Variants in CEP192 observed in about 807,000 individuals in gnomAD.
The protein encoded by CEP192 is centrosomal protein of 192 kDa.
Under a neutral mutation model 271.8 loss-of-function variants are expected in CEP192, and 151 were observed. The ratio of observed to expected loss-of-function variants is 0.56; its 90% CI spans 0.49 to 0.64. CEP192 has a LOEUF of 0.64. CEP192 is among the 30% of genes least tolerant of loss of function. The pLI, the probability that CEP192 is intolerant of heterozygous loss-of-function variation, is 0.00. For missense variants in CEP192, 2,910 were observed against 3,020.5 expected (o/e 0.96, Z 0.86); for synonymous variants, 995 against 1,076.5 (o/e 0.92, Z 1.48).
rs1407886831 is a variant in CEP192, at chr18:13,049,113, T to C, written c.2322T>C (p.Asn774=). 1 of 1,614,012 alleles carries C rather than the reference T, an allele frequency of 6.2e-7. No individual in the cohort carries two copies. Among genetic ancestry groups the C allele is most frequent in the South Asian group, 1.1e-5 (1 of 91,068 alleles). ...TACCTAATGATTTAGAAAAAAGTAA[T>C]GGATCCAATGCACTTGATATGGAGA... ...HFLPNDLEKS[N]GSNALDMEKY... Residue 774 remains asparagine (N), a synonymous_variant, in exon 16 of 45, where the codon AAT becomes AAC. Transcript: ENST00000506447.
intron 3 of CEP192, among the ~76,000 whole-genome samples, chr18:13,006,884 C>CA (rs2034013969): frequency 6.6e-6 from 1 of 152,196 alleles, no homozygotes. Context: ...TGATTGCAGG[C>CA]AAGCCCTTCC....
chr18:13,087,441 G>A (rs1598563483), intron 31 of CEP192, 90 bp from the exon 32 acceptor site: 3 of 915,676 alleles, frequency 3.3e-6, no homozygotes, highest in Admixed American at 5.7e-5. Flanking sequence ...TGTCTGTGTC[G>A]AATTTTTAGG....
At chr18:13,003,228 C>T (rs1200956631) in intron 3 of CEP192, among the ~76,000 whole-genome samples, 5 of 152,082 alleles carry the variant, frequency 3.3e-5, no homozygotes, top group Admixed American at 1.3e-4. Flanking sequence ...GCAGGTAGAT[C>T]GCCTGAGGTC....
chr18:13,092,602 T>C, intron 34 of CEP192, 75 bp downstream of exon 34: 1 of 1,014,962 alleles, frequency 9.9e-7, no homozygotes. Context: ...TCTTTTTTCC[T>C]GTACTTCACT....
chr18:13,116,371 A>G lies in CEP192; in HGVS notation c.7290-6A>G. ...TTCTTAACTTTTACACCTATTCCCA[A>G]AGCAGGCAGCTTGATGTGACTGCTC... On this transcript the variant is annotated splice_region_variant and splice_polypyrimidine_tract_variant and intron_variant, in intron 42 of 44. Coordinates refer to ENST00000506447, the MANE Select transcript of CEP192 (RefSeq NM_032142.4). 1 of 1,610,888 alleles carries G rather than the reference A, an allele frequency of 6.2e-7. No homozygotes were observed. Among genetic ancestry groups the G allele is most frequent in the Non-Finnish European group, 8.5e-7 (1 of 1,179,192 alleles).
At chr18:13,086,642 G>GCCA (rs535717297) in intron 30 of CEP192, among the ~76,000 whole-genome samples, 2 of 152,148 alleles carry the variant, frequency 1.3e-5, no homozygotes, top group South Asian at 4.1e-4. Context: ...CACCTTGCCA[G>GCCA]CCACCAGTTC....
At chr18:13,111,208 T>C (rs1322686773) in intron 40 of CEP192, among the ~76,000 whole-genome samples, 1 of 152,208 alleles carries the variant, frequency 6.6e-6, no homozygotes, top group East Asian at 1.9e-4. Context: ...CACTGCAACC[T>C]CTGCCTCCTG....
chr18:13,039,678 G>A (rs2036100077), intron 13 of CEP192, among the ~76,000 whole-genome samples: 1 of 152,124 alleles, frequency 6.6e-6, no homozygotes, highest in Non-Finnish European at 1.5e-5. Context: ...AGGGCTCCTG[G>A]TAGGAGGGGG....
chr18:12,997,281 G>A (rs2033311511), intron 1 of CEP192, among the ~76,000 whole-genome samples: 1 of 152,108 alleles, frequency 6.6e-6, no homozygotes, highest in Non-Finnish European at 1.5e-5. Context: ...GGCCCAGTCG[G>A]ATTAACATCC....
At chr18:13,023,999 C>CA (rs2035143795) in intron 9 of CEP192, among the ~76,000 whole-genome samples, 1 of 151,974 alleles carries the variant, frequency 6.6e-6, no homozygotes, top group East Asian at 1.9e-4. Context: ...CATAGATGTC[C>CA]ATTATATCTA....
intron 26 of CEP192, 89 bp from the exon 27 acceptor site, chr18:13,069,649 A>G (rs2037902743): frequency 4.0e-6 from 3 of 743,002 alleles, no homozygotes; most frequent in African/African-American, 1.8e-5. Context: ...GTCCTGGTAA[A>G]TGAGAAACGC....
chr18:13,030,099 T>A, intron 10 of CEP192, 97 bp downstream of exon 10: 1 of 1,022,858 alleles, frequency 9.8e-7, no homozygotes, highest in Non-Finnish European at 1.4e-6. Context: ...TCTTTCCTGT[T>A]GAAATATTTT....
chr18:13,112,336 T>C (rs1466849586), intron 40 of CEP192, among the ~76,000 whole-genome samples: 2 of 152,238 alleles, frequency 1.3e-5, no homozygotes, highest in Non-Finnish European at 2.9e-5. Flanking sequence ...TGGGTGAACC[T>C]TGAAAACATT....
chr18:13,092,925 C>G (rs1262117415), intron 34 of CEP192, among the ~76,000 whole-genome samples: 1 of 152,016 alleles, frequency 6.6e-6, no homozygotes, highest in Non-Finnish European at 1.5e-5. Context: ...GAGGCCAAGG[C>G]AGGCGGATCA....
chr18:13,048,115 C>G (rs1598443681), intron 15 of CEP192, among the ~76,000 whole-genome samples: 1 of 152,210 alleles, frequency 6.6e-6, no homozygotes, highest in African/African-American at 2.4e-5. Flanking sequence ...CTCTTTTCCA[C>G]AGTTTTGCCT....
intron 13 of CEP192, 29 bp from the exon 14 acceptor site, chr18:13,040,801 G>T (rs1331018803): frequency 2.0e-6 from 3 of 1,532,506 alleles, no homozygotes; most frequent in African/African-American, 1.4e-5. Flanking sequence ...GAAAATCAAA[G>T]AAATAATTTA....
At chr18:12,995,045 T>C (rs2033125427) in intron 1 of CEP192, among the ~76,000 whole-genome samples, 2 of 144,820 alleles carry the variant, frequency 1.4e-5, no homozygotes, top group African/African-American at 5.1e-5. Flanking sequence ...CATCCTAACA[T>C]GGGAGGAATT....
intron 9 of CEP192, among the ~76,000 whole-genome samples, chr18:13,026,136 G>T (rs1455010521): frequency 6.6e-6 from 1 of 152,202 alleles, no homozygotes; most frequent in Admixed American, 6.5e-5. Context: ...TACAGAATTA[G>T]AAATTGATGG....
chr18:13,061,589 T>G, intron 21 of CEP192, among the ~76,000 whole-genome samples: 1 of 152,288 alleles, frequency 6.6e-6, no homozygotes, highest in East Asian at 1.9e-4. Context: ...TCCTGTGTTC[T>G]TATGTTGATA....
Sources: gnomAD v4.1 joint callset for allele counts (sites outside exome capture counted in the v4.1 genomes callset) on GRCh38, gnomAD v4.1.1 for gene constraint, MANE v1.5 for transcripts, NCBI Gene and HGNC (gene_info 2026-07-23, HGNC 2026-07-21) for gene names.